Variants in TSPEAR observed in about 807,000 individuals in gnomAD.
TSPEAR encodes the protein thrombospondin-type laminin G domain and EAR repeat-containing protein.
Under a neutral mutation model 71.6 loss-of-function variants are expected in TSPEAR, and 69 were observed. The ratio of observed to expected loss-of-function variants is 0.96; its 90% CI spans 0.79 to 1.18. The LOEUF is 1.18. Among genes scored for constraint, TSPEAR ranks in the 50% most tolerant of loss-of-function variants. The pLI, the probability that TSPEAR is intolerant of heterozygous loss-of-function variation, is 0.00. For synonymous variants in TSPEAR, 402 were observed against 387.2 expected, an observed-to-expected ratio of 1.04 and a Z score of -0.45; for missense variants, 971 against 894.9, an observed-to-expected ratio of 1.09 and a Z score of -1.09.
intron 1 of TSPEAR, among the ~76,000 whole-genome samples, chr21:44,678,565 T>C (rs932999191): frequency 1.3e-5 from 2 of 152,190 alleles, no homozygotes; most frequent in African/African-American, 4.8e-5. Flanking sequence ...CAGGTATCTT[T>C]ATAGCAATGT....
rs1354337423 is a variant in TSPEAR at position 44,520,646 on chromosome 21, C to T, written c.1566+1237G>A. The T allele has an allele frequency of 6.6e-6, 1 of 152,306 alleles. No homozygotes were observed. The highest frequency in any genetic ancestry group is 1.5e-5 in the Non-Finnish European group (1 of 68,102). 9.4% of individuals were successfully genotyped at this position (152,306 alleles called of 1,614,324 possible). On this transcript the variant is annotated intron_variant, in intron 9 of 11. Transcript: ENST00000323084. The surrounding 1 kb of genome is among the most constrained non-coding windows in gnomAD (Gnocchi z 4.2). ...CCGGTTTCCTAAGCTGCTCTTACTC[C>T]TGCTGGGTGGAGGGGCTCCAGGAAC...
intron 2 of TSPEAR, among the ~76,000 whole-genome samples, chr21:44,537,390 A>G (rs2053107014): frequency 6.6e-6 from 1 of 152,254 alleles, no homozygotes; most frequent in African/African-American, 2.4e-5. Context: ...CACCTTCTTT[A>G]TGAGCTGTTA....
chr21:44,626,149 C>A (rs374075056), intron 1 of TSPEAR, among the ~76,000 whole-genome samples: 2 of 152,190 alleles, frequency 1.3e-5, no homozygotes, highest in African/African-American at 4.8e-5. Context: ...ATGAAATATG[C>A]GTATGTGTAC....
intron 1 of TSPEAR, among the ~76,000 whole-genome samples, chr21:44,683,113 T>C (rs1244632328): frequency 1.3e-5 from 2 of 152,088 alleles, no homozygotes; most frequent in Non-Finnish European, 2.9e-5. Flanking sequence ...GAGACCCGCC[T>C]AGGCCAGCCC....
chr21:44,675,851 G>A (rs1403382317), intron 1 of TSPEAR: 22 of 644,194 alleles, frequency 3.4e-5, no homozygotes, highest in Non-Finnish European at 4.3e-5. Flanking sequence ...ACGACTTTAC[G>A]AAAATCTTCC....
intron 1 of TSPEAR, chr21:44,600,536 C>T: frequency 6.8e-7 from 1 of 1,461,426 alleles, no homozygotes; most frequent in Non-Finnish European, 9.2e-7. Flanking sequence ...TAAAAGCCAA[C>T]ATCCCTGAGC....
chr21:44,687,960 T>C lies in TSPEAR; in HGVS notation c.82+23473A>G, dbSNP rs1157009068. Among the ~76,000 whole-genome samples, 2 of 152,132 alleles carry C rather than the reference T, an allele frequency of 1.3e-5. No homozygotes were observed. Among genetic ancestry groups the C allele is most frequent in the Non-Finnish European group, 2.9e-5 (2 of 68,018 alleles). ...ACAGAGGCCGGCTCGGGGGTGAGTA[T>C]CCGATCAAGCACAGTGAGTGACGTG... On this transcript the variant is annotated intron_variant, in intron 1 of 11. Coordinates refer to ENST00000323084, the MANE Select transcript of TSPEAR (RefSeq NM_144991.3). The surrounding 1 kb of genome is among the most constrained non-coding windows in gnomAD (Gnocchi z 4.4).
intron 1 of TSPEAR, among the ~76,000 whole-genome samples, chr21:44,662,951 A>G (rs1555943989): frequency 6.6e-6 from 1 of 152,238 alleles, no homozygotes; most frequent in African/African-American, 2.4e-5. Flanking sequence ...AATATATGGA[A>G]CATGGCTAAA....
At chr21:44,509,611 C>A (rs2052308854) in intron 9 of TSPEAR, among the ~76,000 whole-genome samples, 1 of 152,010 alleles carries the variant, frequency 6.6e-6, no homozygotes, top group Non-Finnish European at 1.5e-5. Context: ...GCAGCACTCT[C>A]CCTGGCTGTC....
At chr21:44,619,616 G>A (rs1982319651) in intron 1 of TSPEAR, among the ~76,000 whole-genome samples, 1 of 152,086 alleles carries the variant, frequency 6.6e-6, no homozygotes, top group Non-Finnish European at 1.5e-5. Flanking sequence ...AGATAAACCA[G>A]GAGAATGATA....
chr21:44,691,234 C>T (rs1000118881), intron 1 of TSPEAR, among the ~76,000 whole-genome samples: 25 of 152,206 alleles, frequency 1.6e-4, no homozygotes, highest in Middle Eastern at 3.4e-3. Context: ...TAAGAGATTA[C>T]GGAATTAGCA....
At chr21:44,532,628 ATAATT>A (rs1269274169) in intron 3 of TSPEAR, among the ~76,000 whole-genome samples, 10 of 152,396 alleles carry the variant, frequency 6.6e-5, no homozygotes, top group African/African-American at 2.4e-4. Flanking sequence ...AATATTCGAA[ATAATT>A]TAATATTTAA....
chr21:44,684,458 C>A (rs1986763190), intron 1 of TSPEAR, among the ~76,000 whole-genome samples: 1 of 152,202 alleles, frequency 6.6e-6, no homozygotes, highest in Non-Finnish European at 1.5e-5. Flanking sequence ...AGCTTGAGCC[C>A]AGGAGTTCGA....
intron 1 of TSPEAR, chr21:44,697,383 C>T (rs1555950787): frequency 1.2e-6 from 2 of 1,613,460 alleles, no homozygotes; most frequent in South Asian, 2.2e-5. Context: ...GTATCCAGCC[C>T]CTGCTGCCGA....
chr21:44,567,507 G>T (rs781955886), intron 2 of TSPEAR, among the ~76,000 whole-genome samples: 2 of 152,112 alleles, frequency 1.3e-5, no homozygotes, highest in African/African-American at 4.8e-5. Flanking sequence ...TATTGTTAGC[G>T]CTTCCTGCCA....
At chr21:44,589,770 C>T (rs1022527517) in intron 1 of TSPEAR, among the ~76,000 whole-genome samples, 22 of 152,176 alleles carry the variant, frequency 1.4e-4, no homozygotes, top group Non-Finnish European at 3.1e-4. Flanking sequence ...GAGCCAGCCC[C>T]GGCCCCTCCA....
chr21:44,522,807 C>T (rs990377607), intron 8 of TSPEAR, among the ~76,000 whole-genome samples: 4 of 152,242 alleles, frequency 2.6e-5, no homozygotes, highest in African/African-American at 4.8e-5. Context: ...CCCATGTCCT[C>T]GGCAGCTGTC....
chr21:44,647,182 C>A, intron 1 of TSPEAR: 1 of 1,613,796 alleles, frequency 6.2e-7, no homozygotes, highest in South Asian at 1.1e-5. Flanking sequence ...CCTCCTCTGC[C>A]ACCCCGTGTG....
intron 1 of TSPEAR, among the ~76,000 whole-genome samples, chr21:44,613,221 T>G (rs587622065): frequency 2.4e-4 from 37 of 152,290 alleles, no homozygotes; most frequent in Non-Finnish European, 4.3e-4. Context: ...TTCCTGTTGT[T>G]CTCCTGGGAG....
Sources: gnomAD v4.1 joint callset for allele counts (sites outside exome capture counted in the v4.1 genomes callset) on GRCh38, gnomAD v4.1.1 for gene constraint, Gnocchi (gnomAD v3.1) non-coding constraint, MANE v1.5 for transcripts, NCBI Gene and HGNC (gene_info 2026-07-23, HGNC 2026-07-21) for gene names.